Variants in SLC44A5 observed in about 807,000 individuals in gnomAD.
The protein encoded by SLC44A5 is solute carrier family 44 member 5.
A neutral mutation model predicts 101.8 loss-of-function variants in SLC44A5; 57 were observed. The ratio of observed to expected loss-of-function variants is 0.56; its 90% CI spans 0.45 to 0.70. SLC44A5 has a LOEUF of 0.70. Among genes scored for constraint, SLC44A5 ranks in the 30% least tolerant of loss-of-function variants. The pLI is 0.00. For missense variants in SLC44A5, 737 were observed against 853.1 expected (o/e 0.86, Z 1.70); for synonymous variants, 281 against 290.9 (o/e 0.97, Z 0.35).
At chr1:75,491,476 A>G (rs1668421284) in intron 2 of SLC44A5, among the ~76,000 whole-genome samples, 1 of 152,200 alleles carries the variant, frequency 6.6e-6, no homozygotes, top group African/African-American at 2.4e-5. Context: ...ATTAAAATTA[A>G]TTGAATACAC....
At chr1:75,394,713 T>A (rs1662017476) in intron 3 of SLC44A5, among the ~76,000 whole-genome samples, 1 of 152,128 alleles carries the variant, frequency 6.6e-6, no homozygotes, top group Non-Finnish European at 1.5e-5. Flanking sequence ...TTACCCCCAT[T>A]GTTAGCACAG....
intron 4 of SLC44A5, among the ~76,000 whole-genome samples, chr1:75,314,265 G>C (rs1196424308): frequency 6.6e-6 from 1 of 152,064 alleles, no homozygotes; most frequent in Non-Finnish European, 1.5e-5. Flanking sequence ...TAGACTTAGA[G>C]AATTTACCTC....
In SLC44A5 at chr1:75,265,298, A is replaced by AAAAC. The variant is rs1650894276; in HGVS notation, c.260+9656_260+9659dup. Among the ~76,000 whole-genome samples the AAAAC allele has an allele frequency of 5.9e-5, 9 of 152,276 alleles. No individual in the cohort carries two copies. In the South Asian group the frequency reaches 1.9e-3, roughly 32 times the overall value. The stretch of plus-strand genomic sequence containing the variant: ...GATACCAAAACCAAACAAGGACATA[A>AAAAC]AAACAAACAAACAAAAAAACACTAT... On this transcript the variant is annotated intron_variant, in intron 6 of 23. Coordinates refer to ENST00000370859, the MANE Select transcript of SLC44A5 (RefSeq NM_001130058.2).
At chr1:75,676,670 C>T in the SLC44A5 span, among the ~76,000 whole-genome samples, 1 of 152,144 alleles carries the variant, frequency 6.6e-6, no homozygotes, top group South Asian at 2.1e-4. Flanking sequence ...CAAACCTGCA[C>T]ATCCTGCACA....
the SLC44A5 span, among the ~76,000 whole-genome samples, chr1:75,679,888 T>C: frequency 5.9e-5 from 9 of 152,054 alleles, no homozygotes; most frequent in African/African-American, 2.2e-4. Flanking sequence ...CAGAGACACA[T>C]ATAGGCTCAA....
intron 2 of SLC44A5, among the ~76,000 whole-genome samples, chr1:75,481,126 C>G (rs1259654273): frequency 6.6e-6 from 1 of 152,166 alleles, no homozygotes; most frequent in African/African-American, 2.4e-5. Context: ...TGATCTTTGG[C>G]AAACCTGAGA....
intron 7 of SLC44A5, among the ~76,000 whole-genome samples, chr1:75,243,771 A>G (rs1396205736): frequency 6.6e-6 from 1 of 151,996 alleles, no homozygotes; most frequent in African/African-American, 2.4e-5. Flanking sequence ...CCAGTGTTGG[A>G]GATGGGGCCT....
intron 3 of SLC44A5, among the ~76,000 whole-genome samples, chr1:75,391,751 A>T (rs1661803419): frequency 6.6e-6 from 1 of 152,176 alleles, no homozygotes; most frequent in Non-Finnish European, 1.5e-5. Context: ...TAAATGTAAG[A>T]CCTCAAACTA....
intron 4 of SLC44A5, among the ~76,000 whole-genome samples, chr1:75,338,579 A>G (rs1435128253): frequency 6.6e-6 from 1 of 152,204 alleles, no homozygotes; most frequent in South Asian, 2.1e-4. Flanking sequence ...GGCTGTTTGT[A>G]TACTAGACAA....
Position 75,400,992 on chromosome 1 carries a change from C to T in SLC44A5, c.14-4371G>A, listed in dbSNP as rs79867527. Among the ~76,000 whole-genome samples, 100 of 152,312 alleles carry T rather than the reference C, an allele frequency of 6.6e-4. 1 individual carries two copies. The East Asian group carries it at 0.018, about 27-fold the overall frequency. On this transcript the variant is annotated intron_variant, in intron 2 of 23. Transcript: ENST00000370859. ...TATACTGCAATAGACAAGGCAACTG[C>T]TCTTGTAAGGTGAGCCTCTGAAGCT... is the stretch of plus-strand genomic sequence containing the variant.
intron 13 of SLC44A5, among the ~76,000 whole-genome samples, chr1:75,223,252 T>A (rs1647126297): frequency 6.6e-6 from 1 of 152,324 alleles, no homozygotes; most frequent in East Asian, 1.9e-4. Context: ...TCTGCTTTTT[T>A]GAGTTTGACG....
the SLC44A5 span, among the ~76,000 whole-genome samples, chr1:75,640,175 C>T: frequency 6.6e-6 from 1 of 152,086 alleles, no homozygotes; most frequent in African/African-American, 2.4e-5. Context: ...CCAAGCCTAA[C>T]TCATGTGTTT....
the SLC44A5 span, among the ~76,000 whole-genome samples, chr1:75,627,611 A>T: frequency 6.6e-6 from 1 of 152,010 alleles, no homozygotes. Flanking sequence ...TGAAACCAGG[A>T]GTACGAAGCT....
chr1:75,383,988 T>A (rs1661103779), intron 3 of SLC44A5, among the ~76,000 whole-genome samples: 1 of 151,486 alleles, frequency 6.6e-6, no homozygotes, highest in African/African-American at 2.4e-5. Context: ...ATAAAATACT[T>A]TACAGACAAG....
At chr1:75,481,598 A>C (rs1264256166) in intron 2 of SLC44A5, among the ~76,000 whole-genome samples, 1 of 152,042 alleles carries the variant, frequency 6.6e-6, no homozygotes, top group African/African-American at 2.4e-5. Context: ...GGCGAAGGAC[A>C]TGAACAGACA....
intron 5 of SLC44A5, among the ~76,000 whole-genome samples, chr1:75,297,290 C>T (rs537698348): frequency 1.1e-3 from 164 of 152,218 alleles, no homozygotes; most frequent in South Asian, 2.3e-3. Context: ...TATTTATTTA[C>T]TTATTTATTT....
the SLC44A5 span, among the ~76,000 whole-genome samples, chr1:75,649,563 T>C: frequency 6.6e-6 from 1 of 152,192 alleles, no homozygotes; most frequent in Non-Finnish European, 1.5e-5. Flanking sequence ...ACTGTATTTC[T>C]AGGTCTATTA....
intron 2 of SLC44A5, among the ~76,000 whole-genome samples, chr1:75,479,180 A>G: frequency 6.6e-6 from 1 of 152,234 alleles, no homozygotes; most frequent in Non-Finnish European, 1.5e-5. Flanking sequence ...GAAGGCAGAA[A>G]TAAAGATGTT....
At chr1:75,373,998 C>A (rs1254972363) in intron 3 of SLC44A5, among the ~76,000 whole-genome samples, 1 of 152,166 alleles carries the variant, frequency 6.6e-6, no homozygotes, top group Non-Finnish European at 1.5e-5. Context: ...AGCTGGTCAT[C>A]CCTCCCTCCA....
Sources: allele counts gnomAD v4.1 joint callset (sites outside exome capture counted in the v4.1 genomes callset), GRCh38; gene constraint gnomAD v4.1.1; transcripts MANE v1.5; gene names NCBI Gene and HGNC (gene_info 2026-07-23, HGNC 2026-07-21).